The following ADGRL2 variants were observed in gnomAD, a reference collection of about 807,000 sequenced individuals.
ADGRL2 encodes calcium-independent alpha-latrotoxin receptor 2.
ADGRL2 carries 44 observed loss-of-function variants against 157.4 expected under a neutral mutation model. The ratio of observed to expected loss-of-function variants is 0.28; its 90% CI spans 0.22 to 0.36. The LOEUF is 0.36. ADGRL2 is among the 10% of genes least tolerant of loss of function. The pLI is 1.00. For synonymous variants in ADGRL2, 585 were observed against 624.7 expected (o/e 0.94, Z 0.95); for missense variants, 1,510 against 1,768.9 (o/e 0.85, Z 2.63).
rs777020729 is a variant in ADGRL2, at chr1:81,986,885, T to A, written c.3509-16T>A. On this transcript the variant is annotated splice_polypyrimidine_tract_variant and intron_variant, in intron 21 of 23. Transcript: ENST00000686636. Reference sequence around the variant, plus strand: ...ACTTTTCTCTGTTTTTTTGTTGTTTTTTTTTTTTACTTTAGGAATGACTGG... The same window carrying A: ...ACTTTTCTCTGTTTTTTTGTTGTTTATTTTTTTTACTTTAGGAATGACTGG... 6.3e-7 allele frequency: 1 copy of A among 1,591,458 alleles called. No individual in the cohort carries two copies. The highest frequency in any genetic ancestry group is 8.5e-7 in the Non-Finnish European group (1 of 1,173,396).
intron 2 of ADGRL2, among the ~76,000 whole-genome samples, chr1:81,901,580 A>T (rs1035591786): frequency 1.9e-4 from 28 of 150,494 alleles, no homozygotes; most frequent in South Asian, 6.3e-4. Context: ...ATATATATAT[A>T]TATTTTTTTT....
At chr1:81,914,985 T>C (rs2094821490) in intron 3 of ADGRL2, among the ~76,000 whole-genome samples, 1 of 152,188 alleles carries the variant, frequency 6.6e-6, no homozygotes, top group African/African-American at 2.4e-5. Context: ...GACTAATAAA[T>C]TTTGAAATGG....
At chr1:81,359,738 AT>A (rs2075943860) in intron 1 of ADGRL2, among the ~76,000 whole-genome samples, 1 of 151,956 alleles carries the variant, frequency 6.6e-6, no homozygotes, top group African/African-American at 2.4e-5. Flanking sequence ...AGAACTTTAC[AT>A]TTACCTACAT....
chr1:81,503,329 G>A (rs1008204745), intron 2 of ADGRL2: 23 of 1,614,046 alleles, frequency 1.4e-5, no homozygotes, highest in Middle Eastern at 1.6e-4. Context: ...CCAGAAGCCT[G>A]TGGTCCACCT....
chr1:81,777,021 A>C (rs2149366031), intron 2 of ADGRL2, among the ~76,000 whole-genome samples: 1 of 152,334 alleles, frequency 6.6e-6, no homozygotes, highest in African/African-American at 2.4e-5. Flanking sequence ...TAATCATCAA[A>C]TATAAAAATT....
chr1:81,386,070 A>G (rs915119673), intron 1 of ADGRL2, among the ~76,000 whole-genome samples: 9 of 152,116 alleles, frequency 5.9e-5, no homozygotes, highest in African/African-American at 1.7e-4. Flanking sequence ...AGCGCAATCT[A>G]TTAGGTTTCA....
At position 81,969,261 on chromosome 1, in the gene ADGRL2, C is replaced by T. The variant is rs201770480; in HGVS notation, c.2607C>T (p.Cys869=). 32 of 1,613,906 alleles carry T rather than the reference C, an allele frequency of 2.0e-5. No individual in the cohort carries two copies. Among genetic ancestry groups the T allele is most frequent in the Non-Finnish European group, 7.6e-6 (9 of 1,179,896 alleles). ...IVISLVCLAI[C]IFTFCFFRGL... ...TTTCCCTTGTTTGCCTGGCTATCTG[C>T]ATCTTCACCTTCTGCTTTTTCCGTG... Residue 869 remains cysteine, a synonymous_variant, in exon 15 of 24, where the codon TGC becomes TGT. Coordinates refer to ENST00000686636, the MANE Select transcript of ADGRL2 (RefSeq NM_001366006.2).
At chr1:81,951,404 C>T (rs956806379) in intron 8 of ADGRL2, among the ~76,000 whole-genome samples, 6 of 151,734 alleles carry the variant, frequency 4.0e-5, no homozygotes, top group Admixed American at 2.6e-4. Flanking sequence ...ATGCATTCGC[C>T]GATTAAATAA....
At position 81,785,569 on chromosome 1, in the gene ADGRL2, A is replaced by C. The variant is rs1333645110; in HGVS notation, c.-101+23717A>C. ...ATAGGGAGACCCTGTCTGTACAAAAAAATTAAAAATCAGCTGGGCATGATG... is the reference window on the plus strand; with the variant it reads ...ATAGGGAGACCCTGTCTGTACAAAACAATTAAAAATCAGCTGGGCATGATG... On this transcript the variant is annotated intron_variant, in intron 2 of 20. Coordinates refer to the ADGRL2 transcript ENST00000359929. 2.0e-5 allele frequency among the ~76,000 whole-genome samples: 3 copies of C among 152,130 alleles called. No homozygotes were observed. In the East Asian group the frequency reaches 5.8e-4, roughly 30 times the overall value.
At chr1:81,828,025 T>C (rs1374757507) in intron 1 of ADGRL2, among the ~76,000 whole-genome samples, 1 of 152,248 alleles carries the variant, frequency 6.6e-6, no homozygotes, top group African/African-American at 2.4e-5. Flanking sequence ...ATTAGTTCAT[T>C]ATGTGACTGA....
At chr1:81,905,827 G>A (rs1252234267) in intron 2 of ADGRL2, among the ~76,000 whole-genome samples, 1 of 152,144 alleles carries the variant, frequency 6.6e-6, no homozygotes, top group African/African-American at 2.4e-5. Flanking sequence ...CCACAGAAAT[G>A]TGTCAGCTTC....
chr1:81,774,120 T>C (rs2149356261), intron 2 of ADGRL2, among the ~76,000 whole-genome samples: 1 of 152,320 alleles, frequency 6.6e-6, no homozygotes, highest in East Asian at 1.9e-4. Context: ...TCGCCCTGTC[T>C]GTGGTATTTG....
At position 81,365,723 on chromosome 1, in the gene ADGRL2, A is replaced by G. The variant is rs117451741; in HGVS notation, c.-302+59214A>G. ...ATGGAAACTATATTTTACTGCCCTG[A>G]TTCAACATTAGCACTTATTCAACCT... On this transcript the variant is annotated intron_variant, in intron 1 of 24. Coordinates refer to the ADGRL2 transcript ENST00000370721. Among the ~76,000 whole-genome samples, 17 of 152,312 alleles carry G rather than the reference A, an allele frequency of 1.1e-4. No individual in the cohort carries two copies. In the East Asian group the frequency reaches 3.3e-3, roughly 29 times the overall value.
chr1:81,805,796 T>G (rs2089047047), intron 1 of ADGRL2, among the ~76,000 whole-genome samples: 1 of 151,446 alleles, frequency 6.6e-6, no homozygotes, highest in South Asian at 2.1e-4. Context: ...TGTTAACTAG[T>G]CTGCTTTGAA....
intron 1 of ADGRL2, among the ~76,000 whole-genome samples, chr1:81,701,253 A>G (rs1477711167): frequency 6.6e-6 from 1 of 152,248 alleles, no homozygotes; most frequent in South Asian, 2.1e-4. Flanking sequence ...AAACATTACT[A>G]GAACACTGAT....
intron 1 of ADGRL2, among the ~76,000 whole-genome samples, chr1:81,386,348 A>G (rs2076435225): frequency 6.6e-6 from 1 of 152,134 alleles, no homozygotes; most frequent in Non-Finnish European, 1.5e-5. Flanking sequence ...TAAGGTAACA[A>G]TTGAATTGGT....
chr1:81,854,287 A>G (rs1262462251), intron 2 of ADGRL2, among the ~76,000 whole-genome samples: 1 of 152,162 alleles, frequency 6.6e-6, no homozygotes, highest in Non-Finnish European at 1.5e-5. Context: ...TTGATTTAGG[A>G]TTAGGCAGTG....
intron 1 of ADGRL2, among the ~76,000 whole-genome samples, chr1:81,444,241 C>T (rs1324430944): frequency 6.6e-6 from 1 of 152,192 alleles, no homozygotes; most frequent in Non-Finnish European, 1.5e-5. Flanking sequence ...TTTCCTTATA[C>T]TTTGGGAAAG....
intron 2 of ADGRL2, among the ~76,000 whole-genome samples, chr1:81,573,542 G>A (rs1050665403): frequency 6.6e-6 from 1 of 152,090 alleles, no homozygotes; most frequent in Non-Finnish European, 1.5e-5. Flanking sequence ...TAATTCATGT[G>A]TGGGAATGAA....
Sources: gnomAD v4.1 joint callset for allele counts (sites outside exome capture counted in the v4.1 genomes callset) on GRCh38, gnomAD v4.1.1 for gene constraint, MANE v1.5 for transcripts, NCBI Gene and HGNC (gene_info 2026-07-23, HGNC 2026-07-21) for gene names.